The following GBE1 variants were observed in gnomAD, a reference collection of about 807,000 sequenced individuals.
The protein encoded by GBE1 is 1,4-alpha-glucan branching enzyme 1.
A neutral mutation model predicts 88.8 loss-of-function variants in GBE1; 70 were observed. The ratio of observed to expected loss-of-function variants is 0.79; its 90% CI spans 0.65 to 0.96. The LOEUF (loss-of-function observed/expected upper bound fraction) is 0.96. Ranked by LOEUF, GBE1 falls within the 40% of genes least tolerant of loss-of-function variation. GBE1 has a pLI of 0.00. For missense variants in GBE1, 872 were observed against 871.0 expected (o/e 1.00, Z -0.01); for synonymous variants, 284 against 300.1 (o/e 0.95, Z 0.56).
intron 2 of GBE1, among the ~76,000 whole-genome samples, chr3:81,697,536 G>C (rs1164473193): frequency 6.6e-6 from 1 of 152,096 alleles, no homozygotes; most frequent in Non-Finnish European, 1.5e-5. Flanking sequence ...TCCTGACCTC[G>C]TGATCCGCTG....
At chr3:81,750,605 A>ACG (rs1559708643) in intron 1 of GBE1, among the ~76,000 whole-genome samples, 6 of 35,540 alleles carry the variant, frequency 1.7e-4, no homozygotes, top group South Asian at 5.2e-4. Flanking sequence ...ATATATGTGT[A>ACG]TATATATATA....
intron 14 of GBE1, among the ~76,000 whole-genome samples, chr3:81,533,366 G>A (rs558732949): frequency 6.6e-6 from 1 of 152,196 alleles, no homozygotes; most frequent in East Asian, 1.9e-4. Flanking sequence ...GGCATAAAGA[G>A]ACAGACAACA....
intron 3 of GBE1, among the ~76,000 whole-genome samples, chr3:81,656,502 C>T (rs1242591608): frequency 1.3e-5 from 2 of 152,112 alleles, no homozygotes; most frequent in African/African-American, 2.4e-5. Context: ...CACTTCAAAG[C>T]TATGAGAGAA....
At chr3:81,737,317 A>G (rs989625769) in intron 1 of GBE1, among the ~76,000 whole-genome samples, 2 of 114,216 alleles carry the variant, frequency 1.8e-5, no homozygotes, top group Non-Finnish European at 3.3e-5. Flanking sequence ...ATATTTATAT[A>G]TATTTATATA....
At chr3:81,720,770 T>C (rs1232359068) in intron 1 of GBE1, among the ~76,000 whole-genome samples, 1 of 151,660 alleles carries the variant, frequency 6.6e-6, no homozygotes, top group Non-Finnish European at 1.5e-5. Context: ...ATTGCGGCAC[T>C]ATTCACAATA....
chr3:81,612,953 TG>T lies in GBE1; in HGVS notation c.993-18931del, dbSNP rs199851260. Reference sequence around the variant, plus strand: ...AAGGAGAAAAAGATGATGATGATGATGACGATGATGACGCAAAGGAGGAAGG... The same window carrying T: ...AAGGAGAAAAAGATGATGATGATGATACGATGATGACGCAAAGGAGGAAGG... On this transcript the variant is annotated intron_variant, in intron 7 of 15. Coordinates refer to ENST00000429644, the MANE Select transcript of GBE1 (RefSeq NM_000158.4). 1.0e-4 allele frequency: 39 copies of T among 390,404 alleles called. No homozygotes were observed. The East Asian group carries it at 2.1e-3, about 21-fold the overall frequency. The allele number at this position is 390,404 out of a possible 1,614,324, so 24.2% of individuals were successfully genotyped here.
intron 10 of GBE1, among the ~76,000 whole-genome samples, chr3:81,585,696 A>C (rs564570148): frequency 6.6e-6 from 1 of 152,192 alleles, no homozygotes; most frequent in Non-Finnish European, 1.5e-5. Flanking sequence ...GAAAAACCAT[A>C]CTATTAAGCA....
chr3:81,730,176 C>A, intron 1 of GBE1, among the ~76,000 whole-genome samples: 1 of 152,184 alleles, frequency 6.6e-6, no homozygotes, highest in African/African-American at 2.4e-5. Context: ...ACTGGTATTA[C>A]TATGTGCTCC....
At chr3:81,750,595 A>G (rs61152215) in intron 1 of GBE1, among the ~76,000 whole-genome samples, 628 of 40,614 alleles carry the variant, frequency 0.015, 60 homozygotes, top group East Asian at 0.14. Flanking sequence ...ATACGTATAT[A>G]TATATGTGTA....
At chr3:81,698,633 T>C (rs762606149) in intron 2 of GBE1, among the ~76,000 whole-genome samples, 16 of 152,156 alleles carry the variant, frequency 1.1e-4, no homozygotes, top group Non-Finnish European at 2.4e-4. Context: ...TATAAAATTA[T>C]GATATAGAAT....
At chr3:81,619,511 TG>T (rs1339193565) in intron 7 of GBE1, among the ~76,000 whole-genome samples, 1 of 152,154 alleles carries the variant, frequency 6.6e-6, no homozygotes, top group African/African-American at 2.4e-5. Flanking sequence ...TGTCCACATT[TG>T]CATTTTAATA....
chr3:81,547,113 G>T (rs1043779063), intron 12 of GBE1, among the ~76,000 whole-genome samples: 1 of 151,362 alleles, frequency 6.6e-6, no homozygotes, highest in South Asian at 2.1e-4. Context: ...CTTTCGGCAC[G>T]TGGGGTGCAT....
At chr3:81,700,531 T>G (rs1292628106) in intron 2 of GBE1, among the ~76,000 whole-genome samples, 5 of 152,196 alleles carry the variant, frequency 3.3e-5, no homozygotes. Context: ...GCTATCAACA[T>G]TCCTAAATGC....
At chr3:81,491,246 GTTC>G (rs1172131847) in intron 15 of GBE1, among the ~76,000 whole-genome samples, 3 of 152,170 alleles carry the variant, frequency 2.0e-5, no homozygotes, top group African/African-American at 7.2e-5. Flanking sequence ...GATATGATAA[GTTC>G]TTCTTTTCCA....
intron 1 of GBE1, among the ~76,000 whole-genome samples, chr3:81,713,082 C>T (rs932150865): frequency 2.0e-5 from 3 of 152,138 alleles, no homozygotes; most frequent in Non-Finnish European, 4.4e-5. Flanking sequence ...GAAACAAGAT[C>T]CTTCTTGTAA....
chr3:81,583,898 G>A (rs564440827), intron 10 of GBE1, among the ~76,000 whole-genome samples: 13 of 152,002 alleles, frequency 8.6e-5, no homozygotes, highest in Non-Finnish European at 1.6e-4. Flanking sequence ...GCTACCACTG[G>A]GGAAAACTGA....
At chr3:81,509,319 A>G (rs1429054072) in intron 14 of GBE1, among the ~76,000 whole-genome samples, 2 of 149,528 alleles carry the variant, frequency 1.3e-5, no homozygotes, top group Non-Finnish European at 3.0e-5. Flanking sequence ...TTTATAAAAA[A>G]GAAGGTACTT....
Position 81,624,182 on chromosome 3 carries a change from G to T in GBE1, c.992+18599C>A, listed in dbSNP as rs565438788. Among the ~76,000 whole-genome samples the T allele has an allele frequency of 9.9e-4, 151 of 152,272 alleles. 1 individual carries two copies. The highest frequency in any genetic ancestry group is 3.5e-3 in the African/African-American group (147 of 41,566). On this transcript the variant is annotated intron_variant, in intron 7 of 15. Transcript: ENST00000429644. ...AGGTGGCAGGAAAGAGAAGTCCCGA[G>T]CGAAGGAGGACAAGCCCCTTATAAA...
At chr3:81,745,292 C>T (rs370013942) in intron 1 of GBE1, among the ~76,000 whole-genome samples, 4 of 152,082 alleles carry the variant, frequency 2.6e-5, no homozygotes, top group Non-Finnish European at 5.9e-5. Context: ...ACTTGGTTAA[C>T]CTCATCAGTA....
Sources: allele counts gnomAD v4.1 joint callset (sites outside exome capture counted in the v4.1 genomes callset), GRCh38; gene constraint gnomAD v4.1.1; transcripts MANE v1.5; gene names NCBI Gene and HGNC (gene_info 2026-07-23, HGNC 2026-07-21).